The following SPG11 variants were observed in gnomAD, a reference collection of about 807,000 sequenced individuals.
The protein encoded by SPG11 is spatacsin.
Under a neutral mutation model 274.0 loss-of-function variants are expected in SPG11, and 222 were observed. The ratio of observed to expected loss-of-function variants is 0.81; its 90% confidence interval spans 0.73 to 0.91. The LOEUF (loss-of-function observed/expected upper bound fraction) is 0.91, where lower values mean the gene tolerates loss of function less well. SPG11 is among the 40% of genes least tolerant of loss of function. The probability of loss-of-function intolerance (pLI) is 0.00; values close to 1 mark genes in which losing one functional copy is unlikely to be tolerated. For synonymous variants in SPG11, 1,144 were observed against 1,039.7 expected, an observed-to-expected ratio of 1.10 and a Z score of -1.93; for missense variants, 3,114 against 2,872.7, an observed-to-expected ratio of 1.08 and a Z score of -1.92.
chr15:44,635,937 A>G (rs981508117), intron 7 of SPG11, among the ~76,000 whole-genome samples: 2 of 151,960 alleles, frequency 1.3e-5, no homozygotes, highest in Non-Finnish European at 2.9e-5. Context: ...AAAAGAAAGA[A>G]AAATTTGCCA....
chr15:44,570,903 C>T (rs2082410260), intron 33 of SPG11, among the ~76,000 whole-genome samples: 3 of 152,112 alleles, frequency 2.0e-5, no homozygotes, highest in African/African-American at 2.4e-5. Flanking sequence ...ACTGTTTCCC[C>T]AAAAGGCCCC....
Position 44,563,073 on chromosome 15 carries a change from T to C in SPG11, c.*48A>G, listed in dbSNP as rs1256598550. The C allele has an allele frequency of 6.4e-7, 1 of 1,567,956 alleles. No homozygotes were observed. The highest frequency in any genetic ancestry group is 1.3e-5 in the African/African-American group (1 of 74,084). On this transcript the variant is annotated 3_prime_UTR_variant, in exon 40 of 40. Transcript: ENST00000261866. ...AATGCATTCTTCTTCTCATCACATC[T>C]GTCAGAATCTGCTAACAGTACAAGA...
rs745469210 is a variant in SPG11 at position 44,585,870 on chromosome 15, A to C, written c.4907-20T>G. 1.2e-6 allele frequency: 2 copies of C among 1,609,508 alleles called. No homozygotes were observed. The highest frequency in any genetic ancestry group is 1.7e-4 in the Middle Eastern group (1 of 6,038). ...CTGGACCTGTGCCAAAGAGAAAAGGATATAAACATTTAGTCAATAAAATGC... is the reference window on the plus strand; with the variant it reads ...CTGGACCTGTGCCAAAGAGAAAAGGCTATAAACATTTAGTCAATAAAATGC... On this transcript the variant is annotated intron_variant, in intron 28 of 39. Transcript: ENST00000261866.
At chr15:44,622,008 G>C (rs201755164) in intron 13 of SPG11, 74 bp from the exon 14 acceptor site, 1 of 1,262,550 alleles carries the variant, frequency 7.9e-7, no homozygotes, top group African/African-American at 1.5e-5. Context: ...ATCTGCTCAA[G>C]AACATCCACT....
At chr15:44,621,471 G>A in intron 14 of SPG11, 1 of 378,516 alleles carries the variant, frequency 2.6e-6, no homozygotes, top group East Asian at 6.0e-5. Context: ...ATTTACACAA[G>A]AAGCTCAAGA....
chr15:44,650,638 A>T (rs921215066), intron 6 of SPG11, among the ~76,000 whole-genome samples: 20 of 151,406 alleles, frequency 1.3e-4, no homozygotes, highest in Non-Finnish European at 5.9e-5. Flanking sequence ...AAAAAAAAAA[A>T]GTAAATTAAA....
intron 1 of SPG11, among the ~76,000 whole-genome samples, chr15:44,661,587 C>A (rs555552335): frequency 3.3e-5 from 5 of 151,680 alleles, no homozygotes; most frequent in African/African-American, 1.2e-4. Context: ...TAGTTTTATA[C>A]TATTATAGTA....
rs2140929232 is a variant in SPG11, at chr15:44,573,740, C to T, written c.6012G>A (p.Leu2004=). ...VLCLYDLAKE[L]GCSYTDVAAQ... ...CAGCAACATCTGTGTAGGAACAGCC[C>T]AACTCCTGAGAGGAAGACAAAGCCA... The change falls in exon 32 of 40, where the codon TTG becomes TTA. Residue 2004 remains leucine, a synonymous_variant. Coordinates refer to ENST00000261866, the MANE Select transcript of SPG11 (RefSeq NM_025137.4). The T allele has an allele frequency of 6.2e-7, 1 of 1,614,158 alleles. No individual in the cohort carries two copies. The highest frequency in any genetic ancestry group is 8.5e-7 in the Non-Finnish European group (1 of 1,180,040).
intron 30 of SPG11, among the ~76,000 whole-genome samples, chr15:44,580,948 G>A (rs977142354): frequency 2.0e-5 from 3 of 152,144 alleles, no homozygotes; most frequent in African/African-American, 7.2e-5. Context: ...CCCAAGTGTG[G>A]TGAAACACAT....
intron 7 of SPG11, among the ~76,000 whole-genome samples, chr15:44,645,740 T>C (rs909506695): frequency 4.6e-5 from 7 of 152,094 alleles, no homozygotes; most frequent in Admixed American, 2.0e-4. Flanking sequence ...ATATCCAGAA[T>C]CCGTAAGGAA....
At chr15:44,640,284 A>G (rs1225044435) in intron 7 of SPG11, among the ~76,000 whole-genome samples, 1 of 152,166 alleles carries the variant, frequency 6.6e-6, no homozygotes, top group Non-Finnish European at 1.5e-5. Context: ...CACACACACC[A>G]AAAATAATGG....
At position 44,621,814 on chromosome 15, in the gene SPG11, C is replaced by A. The variant is rs1377930287; in HGVS notation, c.2565G>T (p.Leu855=). The A allele has an allele frequency of 6.2e-7, 1 of 1,614,014 alleles. No homozygotes were observed. Residue 855 remains leucine (L), a synonymous_variant, in exon 14 of 40, where the codon CTG becomes CTT. Coordinates refer to ENST00000261866, the MANE Select transcript of SPG11 (RefSeq NM_025137.4). ...QDHRIVLNWA[L]WWDQLTQESI... ...ATTCTTGTGTTAGTTGATCCCACCACAGAGCCCAATTTAACACAATTCTAT... is the reference window on the plus strand; with the variant it reads ...ATTCTTGTGTTAGTTGATCCCACCAAAGAGCCCAATTTAACACAATTCTAT...
Position 44,629,299 on chromosome 15 carries a change from G to A in SPG11, c.1825C>T (p.Gln609Ter). ...SEPQSKHFSEQLLNLTLSFLN... is the reference protein window; with the variant it reads ...SEPQSKHFSE Reference sequence around the variant, plus strand: ...AAAGACAGTGTAAGATTAAGCAATTGTTCTGAAAAGTGTTTGCTTTGGGGT... The same window carrying A: ...AAAGACAGTGTAAGATTAAGCAATTATTCTGAAAAGTGTTTGCTTTGGGGT... Residue 609 changes from glutamine to a stop codon, truncating the protein, a stop_gained, in exon 9 of 40, where the codon CAA becomes TAA. Coordinates refer to ENST00000261866, the MANE Select transcript of SPG11 (RefSeq NM_025137.4). LOFTEE classifies it high-confidence loss of function. The A allele has an allele frequency of 1.2e-6, 2 of 1,613,984 alleles. No individual in the cohort carries two copies. The highest frequency in any genetic ancestry group is 1.7e-6 in the Non-Finnish European group (2 of 1,179,856).
At position 44,652,017 on chromosome 15, in the gene SPG11, T is replaced by C. The variant is rs532383882; in HGVS notation, c.1008-78A>G. 1.8e-5 allele frequency: 28 copies of C among 1,566,008 alleles called. No homozygotes were observed. In the East Asian group the frequency reaches 5.8e-4, roughly 33 times the overall value. On this transcript the variant is annotated intron_variant, in intron 5 of 39. Coordinates refer to ENST00000261866, the MANE Select transcript of SPG11 (RefSeq NM_025137.4). ...GTAAAACACTAAACCAGGGCAAAGA[T>C]GTTCTTAAAAAAAAAAAGTATCTAT...
chr15:44,659,057 A>C, intron 3 of SPG11, 22 bp downstream of exon 3: 1 of 1,610,038 alleles, frequency 6.2e-7, no homozygotes, highest in Non-Finnish European at 8.5e-7. Flanking sequence ...GTATCAATCA[A>C]CACTTCTACC....
chr15:44,579,236 G>A (rs766633063), intron 30 of SPG11, among the ~76,000 whole-genome samples: 3 of 150,546 alleles, frequency 2.0e-5, no homozygotes, highest in Non-Finnish European at 4.4e-5. Context: ...GAAAAAGCAG[G>A]AAGAGGGGCT....
rs763700515 is a variant in SPG11 at position 44,595,355 on chromosome 15, A to G, written c.4539T>C (p.His1513=). The part of the protein sequence containing the change: ...MGHIQDSTED[H]TWNLEDLSVI... The stretch of plus-strand genomic sequence containing the variant: ...CTGAAAGATCCTCAAGGTTCCAGGT[A>G]TGGTCCTCTGTTGAGTCCTGAATGT... The change falls in exon 26 of 40, where the codon CAT becomes CAC. Residue 1513 remains histidine (H), a synonymous_variant. Transcript: ENST00000261866. The G allele has an allele frequency of 5.6e-6, 9 of 1,614,100 alleles. No individual in the cohort carries two copies. The highest frequency in any genetic ancestry group is 5.0e-5 in the Admixed American group (3 of 60,006).
chr15:44,650,981 C>CAGGTT lies in SPG11; in HGVS notation c.1456+505_1456+509dup, dbSNP rs1595926171. 3.9e-5 allele frequency among the ~76,000 whole-genome samples: 6 copies of CAGGTT among 152,312 alleles called. No individual in the cohort carries two copies. In the South Asian group the frequency reaches 1.2e-3, roughly 32 times the overall value. On this transcript the variant is annotated intron_variant, in intron 6 of 39. Coordinates refer to ENST00000261866, the MANE Select transcript of SPG11 (RefSeq NM_025137.4). ...CAGGCTGGTCTTGAACTCCCAACCT[C>CAGGTT]AGGTTATCCATCCACCTCAGCCTCC...
chr15:44,597,082 T>C, intron 23 of SPG11, 139 bp from the exon 24 acceptor site: 2 of 785,204 alleles, frequency 2.5e-6, no homozygotes, highest in Non-Finnish European at 4.0e-6. Flanking sequence ...ACTAAATATT[T>C]ATTAGGCTAC....
Sources: gnomAD v4.1 joint callset for allele counts (sites outside exome capture counted in the v4.1 genomes callset) on GRCh38, gnomAD v4.1.1 for gene constraint, MANE v1.5 for transcripts, NCBI Gene and HGNC (gene_info 2026-07-23, HGNC 2026-07-21) for gene names.